The following CTNNA1 variants were observed in gnomAD, a reference collection of about 807,000 sequenced individuals.
The protein encoded by CTNNA1 is catenin alpha 1.
A neutral mutation model predicts 98.4 loss-of-function variants in CTNNA1; 37 were observed. The ratio of observed to expected loss-of-function variants is 0.38; its 90% confidence interval spans 0.29 to 0.49. The LOEUF (loss-of-function observed/expected upper bound fraction) is 0.49, where lower values mean the gene tolerates loss of function less well. Among genes scored for constraint, CTNNA1 ranks in the 20% least tolerant of loss-of-function variants. The probability of loss-of-function intolerance (pLI) is 0.95; values close to 1 mark genes in which losing one functional copy is unlikely to be tolerated. For missense variants in CTNNA1, 761 were observed against 1,147.2 expected (o/e 0.66, Z 4.86); for synonymous variants, 404 against 413.2 (o/e 0.98, Z 0.27).
intron 11 of CTNNA1, among the ~76,000 whole-genome samples, chr5:138,918,453 T>C (rs1388319520): frequency 6.6e-6 from 1 of 152,132 alleles, no homozygotes; most frequent in Non-Finnish European, 1.5e-5. Flanking sequence ...TGCCTACTTT[T>C]CCAAAGACTT....
chr5:138,913,460 T>G (rs1462523452), intron 10 of CTNNA1, among the ~76,000 whole-genome samples: 1 of 152,028 alleles, frequency 6.6e-6, no homozygotes, highest in Non-Finnish European at 1.5e-5. Context: ...GGCACACACC[T>G]GTAATCCCAG....
intron 7 of CTNNA1, among the ~76,000 whole-genome samples, chr5:138,853,495 T>TAA (rs35324398): frequency 2.8e-5 from 4 of 145,090 alleles, no homozygotes; most frequent in East Asian, 2.0e-4. Context: ...AGTATATACT[T>TAA]AAAAAAAAAA....
Position 138,824,599 on chromosome 5 carries a change from A to C in CTNNA1, c.658A>C (p.Ile220Leu). Reference sequence around the variant, plus strand: ...AGGAATCCTGCAGAAGAACGTTCCGATCCTCTATACTGCATCCCAGGCATG... The same window carrying C: ...AGGAATCCTGCAGAAGAACGTTCCGCTCCTCTATACTGCATCCCAGGCATG... ...ARGILQKNVP[I>L]LYTASQACLQ... The change falls in exon 6 of 18, where the codon ATC becomes CTC. Residue 220 changes from isoleucine (I) to leucine (L), a missense_variant. This residue lies in a region of CTNNA1 where 328 missense variants were observed against 354.3 expected (regional missense o/e 0.93). Transcript: ENST00000302763. The C allele has an allele frequency of 6.2e-7, 1 of 1,614,178 alleles. No individual in the cohort carries two copies. The highest frequency in any genetic ancestry group is 2.2e-5 in the East Asian group (1 of 44,892).
At chr5:138,779,336 TAAGG>T (rs1443024661) in intron 1 of CTNNA1, among the ~76,000 whole-genome samples, 1 of 152,186 alleles carries the variant, frequency 6.6e-6, no homozygotes, top group African/African-American at 2.4e-5. Flanking sequence ...CCTATGGTCT[TAAGG>T]ATATTTATTT....
chr5:138,889,004 C>T (rs564750706), intron 9 of CTNNA1, among the ~76,000 whole-genome samples: 2 of 152,298 alleles, frequency 1.3e-5, no homozygotes, highest in African/African-American at 2.4e-5. Context: ...ATGATTCTGG[C>T]ATTTGAAACT....
intron 7 of CTNNA1, among the ~76,000 whole-genome samples, chr5:138,884,196 C>T (rs185777201): frequency 1.3e-5 from 2 of 152,250 alleles, no homozygotes; most frequent in Non-Finnish European, 2.9e-5. Flanking sequence ...GGGGGGCTTC[C>T]AGGTCATAGG....
rs557230303 is a variant in CTNNA1, at chr5:138,804,841, A to G, written c.302-5197A>G. Among the ~76,000 whole-genome samples, 67 of 152,340 alleles carry G rather than the reference A, an allele frequency of 4.4e-4. 1 individual carries two copies. The highest frequency in any genetic ancestry group is 1.5e-3 in the African/African-American group (64 of 41,572). The stretch of plus-strand genomic sequence containing the variant: ...TAAAAAAAAGGTGATGAAAACTGCA[A>G]TTACTTTTGCACCAGCTTATATTAG... On this transcript the variant is annotated intron_variant, in intron 3 of 17. Transcript: ENST00000302763.
intron 9 of CTNNA1, among the ~76,000 whole-genome samples, chr5:138,898,045 G>A (rs1757260830): frequency 6.6e-6 from 1 of 152,148 alleles, no homozygotes; most frequent in African/African-American, 2.4e-5. Context: ...CCAGGGACCT[G>A]GTGGGAGGTG....
chr5:138,838,417 CT>C, intron 7 of CTNNA1, among the ~76,000 whole-genome samples: 1 of 152,284 alleles, frequency 6.6e-6, no homozygotes, highest in South Asian at 2.1e-4. Context: ...GCAGTATTCT[CT>C]GTTTCATAAC....
chr5:138,854,899 C>A (rs1336890174), intron 7 of CTNNA1, among the ~76,000 whole-genome samples: 3 of 152,210 alleles, frequency 2.0e-5, no homozygotes, highest in East Asian at 3.8e-4. Context: ...ACTGAACTCA[C>A]ATCTTTTGAG....
intron 16 of CTNNA1, chr5:138,931,721 G>C (rs1022827217): frequency 1.0e-6 from 1 of 985,430 alleles, no homozygotes; most frequent in Non-Finnish European, 1.2e-6. Flanking sequence ...TCTGCATCCA[G>C]CTGTCAATAC....
intron 7 of CTNNA1, among the ~76,000 whole-genome samples, chr5:138,835,464 G>A (rs2149803445): frequency 6.6e-6 from 1 of 152,238 alleles, no homozygotes; most frequent in East Asian, 1.9e-4. Flanking sequence ...TAGTTCTGTA[G>A]AGGCATTTGA....
chr5:138,892,625 A>T (rs571602453), intron 9 of CTNNA1, among the ~76,000 whole-genome samples: 60 of 151,948 alleles, frequency 3.9e-4, no homozygotes, highest in African/African-American at 1.4e-3. Flanking sequence ...TACAGGTGTG[A>T]GCCACTGTGC....
At chr5:138,809,252 GATACA>G (rs1758421846) in intron 3 of CTNNA1, among the ~76,000 whole-genome samples, 4 of 152,212 alleles carry the variant, frequency 2.6e-5, no homozygotes, top group South Asian at 2.1e-4. Context: ...AAAAATTATA[GATACA>G]ATACCTCTTC....
chr5:138,784,418 ACCCATAAATGGGCAGTG>A (rs1029034509), intron 3 of CTNNA1, among the ~76,000 whole-genome samples: 6 of 152,212 alleles, frequency 3.9e-5, no homozygotes, highest in Non-Finnish European at 4.4e-5. Context: ...CTGTGGCAGT[ACCCATAAATGGGCAGTG>A]CCTTAGATGG....
intron 3 of CTNNA1, among the ~76,000 whole-genome samples, chr5:138,785,035 A>T (rs966909147): frequency 6.6e-6 from 1 of 151,002 alleles, no homozygotes; most frequent in African/African-American, 2.4e-5. Flanking sequence ...TATTCAACCC[A>T]GTACAGTGAG....
chr5:138,810,242 A>G (rs1191137199), intron 4 of CTNNA1, 38 bp downstream of exon 4: 1 of 1,591,538 alleles, frequency 6.3e-7, no homozygotes, highest in Non-Finnish European at 8.6e-7. Flanking sequence ...TTGTTCTATC[A>G]CAGGAAGATT....
chr5:138,767,751 T>G (rs1317450982), intron 1 of CTNNA1, among the ~76,000 whole-genome samples: 2 of 152,228 alleles, frequency 1.3e-5, no homozygotes, highest in African/African-American at 2.4e-5. Flanking sequence ...CAGAGTCATT[T>G]GAAAGTAAAC....
At chr5:138,931,795 C>G in intron 16 of CTNNA1, 1 of 985,524 alleles carries the variant, frequency 1.0e-6, no homozygotes, top group Non-Finnish European at 1.2e-6. Context: ...GAATACAGCT[C>G]ATCTCCAGTA....
Sources: gnomAD v4.1 joint callset for allele counts (sites outside exome capture counted in the v4.1 genomes callset) on GRCh38, gnomAD v4.1.1 for gene constraint, gnomAD v4.1.1 regional missense constraint, MANE v1.5 for transcripts, NCBI Gene and HGNC (gene_info 2026-07-23, HGNC 2026-07-21) for gene names.